MATN2: variants seen among roughly 807,000 people sequenced by gnomAD.
MATN2 encodes matrilin 2.
Under a neutral mutation model 103.2 loss-of-function variants are expected in MATN2, and 69 were observed. That is an observed-to-expected ratio of 0.67 (90% confidence interval 0.55 to 0.82). MATN2 has a LOEUF of 0.82. Ranked by LOEUF, MATN2 falls within the 40% of genes least tolerant of loss-of-function variation. The probability of loss-of-function intolerance (pLI) is 0.00; values close to 1 mark genes in which losing one functional copy is unlikely to be tolerated. For missense variants in MATN2, 1,023 were observed against 1,211.5 expected, an observed-to-expected ratio of 0.84 and a Z score of 2.31; for synonymous variants, 429 against 450.2, an observed-to-expected ratio of 0.95 and a Z score of 0.60.
intron 5 of MATN2, among the ~76,000 whole-genome samples, chr8:97,971,408 G>T (rs555198259): frequency 1.3e-5 from 2 of 152,086 alleles, no homozygotes; most frequent in African/African-American, 4.8e-5. Flanking sequence ...TTGAGTAAGT[G>T]GAACGTTCAA....
intron 7 of MATN2, among the ~76,000 whole-genome samples, chr8:97,999,070 C>A (rs1195444242): frequency 3.3e-5 from 5 of 152,156 alleles, no homozygotes; most frequent in African/African-American, 1.2e-4. Flanking sequence ...ATTCTAGGTG[C>A]CTCATATAAG....
chr8:97,898,689 A>T (rs1818894213), intron 2 of MATN2, among the ~76,000 whole-genome samples: 1 of 152,114 alleles, frequency 6.6e-6, no homozygotes, highest in South Asian at 2.1e-4. Flanking sequence ...ATGTACTATT[A>T]TCCCTTAAAT....
At chr8:97,957,782 G>T (rs968336824) in intron 4 of MATN2, among the ~76,000 whole-genome samples, 2 of 152,180 alleles carry the variant, frequency 1.3e-5, no homozygotes, top group African/African-American at 4.8e-5. Flanking sequence ...TTATCTGTTA[G>T]GTTCAATGAC....
chr8:97,910,180 G>C (rs1362188650), intron 2 of MATN2, among the ~76,000 whole-genome samples: 2 of 151,748 alleles, frequency 1.3e-5, no homozygotes, highest in Admixed American at 1.3e-4. Flanking sequence ...TCCCACCTCA[G>C]CCTCCCCAGT....
chr8:97,968,556 C>T (rs1432001321), intron 5 of MATN2, among the ~76,000 whole-genome samples: 2 of 152,168 alleles, frequency 1.3e-5, no homozygotes, highest in East Asian at 1.9e-4. Flanking sequence ...TACCTTAGGT[C>T]ATCCCTCTTA....
intron 3 of MATN2, among the ~76,000 whole-genome samples, chr8:97,940,384 G>T (rs1810513321): frequency 6.6e-6 from 1 of 152,170 alleles, no homozygotes. Context: ...AAGTAAAAAT[G>T]ACTGATTGGA....
At chr8:97,942,119 G>T (rs907829854) in intron 4 of MATN2, among the ~76,000 whole-genome samples, 10 of 152,210 alleles carry the variant, frequency 6.6e-5, no homozygotes, top group African/African-American at 2.2e-4. Flanking sequence ...GGAGAGATAG[G>T]TAGAAGCACC....
chr8:97,978,927 G>A lies in MATN2; in HGVS notation c.1000G>A (p.Glu334Lys). ...CTCAGAAAACCACGGATGTGAACAT[G>A]AGTGTGTAAATGCTGATGGCTCCTA... ...CASENHGCEH[E>K]CVNADGSYLC... The change falls in exon 6 of 19, where the codon GAG (glutamate) becomes AAG (lysine). Residue 334 changes from glutamate to lysine, a missense_variant. By Grantham distance (56) the Glu-to-Lys change is moderately conservative (BLOSUM62 1). Transcript: ENST00000254898. The A allele has an allele frequency of 6.2e-7, 1 of 1,613,820 alleles. No homozygotes were observed. The highest frequency in any genetic ancestry group is 8.5e-7 in the Non-Finnish European group (1 of 1,179,724).
rs916431422 is a variant in MATN2 at position 98,016,538 on chromosome 8, A to C, written c.1574-2A>C. The C allele has an allele frequency of 4.3e-5, 69 of 1,605,852 alleles. No homozygotes were observed. The highest frequency in any genetic ancestry group is 5.7e-5 in the Non-Finnish European group (67 of 1,175,632). On this transcript the variant is annotated splice_acceptor_variant, in intron 10 of 18. Transcript: ENST00000254898. LOFTEE classifies it high-confidence loss of function. The stretch of plus-strand genomic sequence containing the variant: ...TTTCTCTAATTCCCATTTGATTCTC[A>C]GAATTGGACTCTTGTGCTCTGGGGG...
intron 7 of MATN2, among the ~76,000 whole-genome samples, chr8:97,996,368 T>C (rs1439290488): frequency 6.6e-6 from 1 of 151,532 alleles, no homozygotes; most frequent in Non-Finnish European, 1.5e-5. Flanking sequence ...GAAGAGCGAG[T>C]AGAGAGGGAG....
chr8:97,963,159 A>C (rs1318450407), intron 5 of MATN2, among the ~76,000 whole-genome samples: 1 of 152,184 alleles, frequency 6.6e-6, no homozygotes, highest in Non-Finnish European at 1.5e-5. Context: ...TAAACAAAAA[A>C]CATTTTGTAA....
chr8:97,902,977 C>T (rs1235709682), intron 2 of MATN2, among the ~76,000 whole-genome samples: 1 of 152,146 alleles, frequency 6.6e-6, no homozygotes, highest in Non-Finnish European at 1.5e-5. Context: ...TGTCTAGGAA[C>T]GTCAGTACCC....
intron 2 of MATN2, among the ~76,000 whole-genome samples, chr8:97,901,404 C>T (rs1818978697): frequency 6.6e-6 from 1 of 152,112 alleles, no homozygotes; most frequent in Non-Finnish European, 1.5e-5. Flanking sequence ...AGGCACGCAC[C>T]ACCACACCAG....
At chr8:97,960,454 A>G (rs936489312) in intron 4 of MATN2, among the ~76,000 whole-genome samples, 2 of 152,216 alleles carry the variant, frequency 1.3e-5, no homozygotes, top group Non-Finnish European at 2.9e-5. Flanking sequence ...CTTTTCATCC[A>G]CCAACATATT....
At chr8:97,903,774 T>C (rs1291599555) in intron 2 of MATN2, among the ~76,000 whole-genome samples, 1 of 152,168 alleles carries the variant, frequency 6.6e-6, no homozygotes, top group Non-Finnish European at 1.5e-5. Flanking sequence ...CTTCAGAGTG[T>C]GGTTGACTAG....
intron 2 of MATN2, among the ~76,000 whole-genome samples, chr8:97,917,206 A>G (rs191781384): frequency 1.1e-3 from 172 of 152,182 alleles, no homozygotes; most frequent in African/African-American, 3.9e-3. Flanking sequence ...TTTGCATACA[A>G]ACTTCCCAGG....
chr8:98,033,512 G>A (rs981254276), intron 17 of MATN2, 49 bp from the exon 18 acceptor site: 2 of 967,444 alleles, frequency 2.1e-6, no homozygotes, highest in Non-Finnish European at 3.1e-6. Context: ...TATGCGTCTG[G>A]GAAGTCTGGT....
chr8:98,028,739 A>T (rs977782875), intron 14 of MATN2, among the ~76,000 whole-genome samples: 1 of 152,052 alleles, frequency 6.6e-6, no homozygotes, highest in Non-Finnish European at 1.5e-5. Flanking sequence ...GGCGCCCGCC[A>T]CCACGCCCAG....
chr8:98,025,999 A>C (rs1159202546), intron 13 of MATN2, among the ~76,000 whole-genome samples: 1 of 150,732 alleles, frequency 6.6e-6, no homozygotes, highest in East Asian at 2.0e-4. Flanking sequence ...CCAACATGGC[A>C]AAACCCCGTC....
Sources: gnomAD v4.1 joint callset for allele counts (sites outside exome capture counted in the v4.1 genomes callset) on GRCh38, gnomAD v4.1.1 for gene constraint, MANE v1.5 for transcripts, NCBI Gene and HGNC (gene_info 2026-07-23, HGNC 2026-07-21) for gene names.